FSIP2: variants seen among roughly 807,000 people sequenced by gnomAD.
FSIP2 encodes fibrous sheath interacting protein 2.
Under a neutral mutation model 510.5 loss-of-function variants are expected in FSIP2, and 367 were observed. The observed-to-expected ratio is 0.72, with a 90% CI of 0.66 to 0.78. FSIP2 has a LOEUF of 0.78. Ranked by LOEUF, FSIP2 falls within the 30% of genes least tolerant of loss-of-function variation. The pLI, the probability that FSIP2 is intolerant of heterozygous loss-of-function variation, is 0.00. For synonymous variants in FSIP2, 2,601 were observed against 2,732.2 expected, an observed-to-expected ratio of 0.95 and a Z score of 1.50; for missense variants, 7,594 against 7,901.7, an observed-to-expected ratio of 0.96 and a Z score of 1.48.
At chr2:185,758,694 C>G (rs1692293523) in intron 9 of FSIP2, among the ~76,000 whole-genome samples, 1 of 150,934 alleles carries the variant, frequency 6.6e-6, no homozygotes, top group Admixed American at 6.6e-5. Flanking sequence ...TTCCTTGCTA[C>G]CTGGGAAGAC....
At position 185,808,601 on chromosome 2, in the gene FSIP2, A is replaced by C. The variant is rs1239331901; in HGVS notation, c.19295A>C (p.Gln6432Pro). Residue 6432 changes from glutamine to proline, a missense_variant, in exon 17 of 23, where the codon CAA becomes CCA. Gln to Pro is a moderately conservative substitution (Grantham distance 76). Transcript: ENST00000424728. Reference protein sequence around the residue: ...VDSVYSNILQQSGTNKEFYYD... With the variant: ...VDSVYSNILQPSGTNKEFYYD... Reference sequence around the variant, plus strand: ...TCCGTTTATAGTAACATACTGCAACAATCAGGAACCAACAAAGAATTTTAT... The same window carrying C: ...TCCGTTTATAGTAACATACTGCAACCATCAGGAACCAACAAAGAATTTTAT... 6.2e-7 allele frequency: 1 copy of C among 1,605,542 alleles called. No homozygotes were observed. Among genetic ancestry groups the C allele is most frequent in the South Asian group, 1.1e-5 (1 of 89,352 alleles).
Position 185,790,935 on chromosome 2 carries a change from A to G in FSIP2, c.3799A>G (p.Ile1267Val), listed in dbSNP as rs894432404. Residue 1267 changes from isoleucine (I) to valine (V), a missense_variant, in exon 16 of 23, where the codon ATT becomes GTT. Transcript: ENST00000424728. ...DDINDKIIRT[I>V]FKRLKSFICP... is the part of the protein sequence containing the mutation. ...CATTAATGATAAGATCATTCGTACA[A>G]TTTTTAAAAGACTGAAGTCATTTAT... The G allele has an allele frequency of 6.6e-7, 1 of 1,524,346 alleles. No homozygotes were observed. The highest frequency in any genetic ancestry group is 1.2e-5 in the South Asian group (1 of 81,434). The allele number at this position is 1,524,346 out of a possible 1,614,324, so 94.4% of individuals were successfully genotyped here.
Position 185,761,977 on chromosome 2 carries a change from T to C in FSIP2, c.1200T>C (p.Asp400=). ...TTCAATGTGGTACCATGTAGAGAGA[T>C]GGGATGGTATCTAAAAACTCAAGTA... The part of the protein sequence containing the change: ...VQDNGINQKR[D]GMVSKNSSIF... Residue 400 remains aspartate, a synonymous_variant, in exon 11 of 23, where the codon GAT becomes GAC. Coordinates refer to ENST00000424728, the MANE Select transcript of FSIP2 (RefSeq NM_173651.4). 2 of 1,477,532 alleles carry C rather than the reference T, an allele frequency of 1.4e-6. No individual in the cohort carries two copies. Among genetic ancestry groups the C allele is most frequent in the East Asian group, 2.5e-5 (1 of 40,378 alleles). The allele number at this position is 1,477,532 out of a possible 1,614,324, so 91.5% of individuals were successfully genotyped here. A position where few individuals can be genotyped will look rare whatever the true frequency, so the allele number is the denominator to read the frequency against.
chr2:185,748,890 A>G (rs1024144875), intron 7 of FSIP2, among the ~76,000 whole-genome samples: 1 of 152,068 alleles, frequency 6.6e-6, no homozygotes, highest in African/African-American at 2.4e-5. Flanking sequence ...GTTTCATTAC[A>G]TTATTATGTC....
Position 185,806,568 on chromosome 2 carries a change from A to G in FSIP2, c.17262A>G (p.Lys5754=). 6.2e-7 allele frequency: 1 copy of G among 1,604,590 alleles called. No individual in the cohort carries two copies. Among genetic ancestry groups the G allele is most frequent in the Admixed American group, 1.7e-5 (1 of 57,832 alleles). ...AAAAAGAAGAGGAAGAGAGAGAAAA[A>G]GAGAAAGTAAGAGAGGAGATTAAAA... The part of the protein sequence containing the change: ...AKEKEEEERE[K]EKVREEIKSE... Residue 5754 remains lysine, a synonymous_variant, in exon 17 of 23, where the codon AAA becomes AAG. Coordinates refer to ENST00000424728, the MANE Select transcript of FSIP2 (RefSeq NM_173651.4).
At chr2:185,742,018 A>C (rs1196146557) in intron 2 of FSIP2, among the ~76,000 whole-genome samples, 1 of 152,120 alleles carries the variant, frequency 6.6e-6, no homozygotes, top group Non-Finnish European at 1.5e-5. Flanking sequence ...TGGTAGTATA[A>C]ATTGAATTTC....
intron 16 of FSIP2, among the ~76,000 whole-genome samples, chr2:185,798,557 T>A (rs1693353414): frequency 6.6e-6 from 1 of 151,800 alleles, no homozygotes; most frequent in Non-Finnish European, 1.5e-5. Context: ...ACTTGCTACA[T>A]CACCAGTCCA....
intron 13 of FSIP2, among the ~76,000 whole-genome samples, chr2:185,771,543 C>T (rs1444488785): frequency 1.3e-5 from 2 of 152,156 alleles, no homozygotes; most frequent in Non-Finnish European, 2.9e-5. Context: ...GCTGGAGTGG[C>T]CAGGATGTGA....
At chr2:185,782,952 T>A (rs924500234) in intron 14 of FSIP2, among the ~76,000 whole-genome samples, 190 bp downstream of exon 14, 2 of 152,178 alleles carry the variant, frequency 1.3e-5, no homozygotes, top group Admixed American at 1.3e-4. Context: ...TGTCCTTTCC[T>A]TTCTCCTTCT....
chr2:185,756,058 A>G (rs755190836), intron 8 of FSIP2, 134 bp from the exon 9 acceptor site: 111 of 361,292 alleles, frequency 3.1e-4, no homozygotes, highest in Admixed American at 4.6e-4. Flanking sequence ...ATCTTCTCCA[A>G]TTTTTCTCGC....
rs558507797 is a variant in FSIP2, at chr2:185,823,251, C to T, written c.20427-1183C>T. ...ATTAAAAATTTTGTGCTTCAAAGGACGCCATCAACAAAGTGAAAAGTCAAC... is the reference window on the plus strand; with the variant it reads ...ATTAAAAATTTTGTGCTTCAAAGGATGCCATCAACAAAGTGAAAAGTCAAC... On this transcript the variant is annotated intron_variant, in intron 19 of 22. Transcript: ENST00000424728. Among the ~76,000 whole-genome samples the T allele has an allele frequency of 9.2e-5, 14 of 151,594 alleles. No homozygotes were observed. The South Asian group carries it at 1.7e-3, about 18-fold the overall frequency.
intron 10 of FSIP2, 29 bp from the exon 11 acceptor site, chr2:185,761,943 T>C (rs770933436): frequency 1.0e-4 from 138 of 1,323,358 alleles, no homozygotes; most frequent in Non-Finnish European, 1.4e-4. Context: ...ACTAATGTAA[T>C]TTTTTCTCTT....
At chr2:185,762,836 A>G (rs1015705387) in intron 11 of FSIP2, among the ~76,000 whole-genome samples, 4 of 151,434 alleles carry the variant, frequency 2.6e-5, no homozygotes, top group Admixed American at 2.0e-4. Context: ...TTATTTCACT[A>G]TCCAGATGAT....
intron 13 of FSIP2, among the ~76,000 whole-genome samples, chr2:185,770,008 C>T (rs932866432): frequency 6.6e-6 from 1 of 152,090 alleles, no homozygotes; most frequent in Non-Finnish European, 1.5e-5. Context: ...TAGCTTGATG[C>T]CTCCTGCTTT....
intron 20 of FSIP2, among the ~76,000 whole-genome samples, chr2:185,825,016 G>A (rs59375645): frequency 0.045 from 6,873 of 151,728 alleles, 511 homozygotes; most frequent in African/African-American, 0.16. Flanking sequence ...AGGGAGGATC[G>A]ATGTGGTTCT....
At chr2:185,777,550 A>C (rs1336581237) in intron 13 of FSIP2, among the ~76,000 whole-genome samples, 1 of 152,086 alleles carries the variant, frequency 6.6e-6, no homozygotes, top group African/African-American at 2.4e-5. Context: ...CTTTTGGTAG[A>C]TAATAATGTC....
At position 185,826,221 on chromosome 2, in the gene FSIP2, AG is replaced by A. The variant is rs760897627; in HGVS notation, c.20473+1742del. ...CTCAGAATGTAACCTTGTTAAGCAA[AG>A]CATGGCTGTACTTCCCATCTCATTT... On this transcript the variant is annotated intron_variant, in intron 20 of 22. Coordinates refer to ENST00000424728, the MANE Select transcript of FSIP2 (RefSeq NM_173651.4). Among the ~76,000 whole-genome samples, 8 of 151,986 alleles carry A rather than the reference AG, an allele frequency of 5.3e-5. No homozygotes were observed. The South Asian group carries it at 1.0e-3, about 20-fold the overall frequency.
chr2:185,753,036 A>G (rs1282951919), intron 7 of FSIP2, among the ~76,000 whole-genome samples: 1 of 151,266 alleles, frequency 6.6e-6, no homozygotes, highest in East Asian at 1.9e-4. Flanking sequence ...GTTTCCTACT[A>G]CTGAGTTAAG....
chr2:185,785,862 G>A (rs933719128), intron 14 of FSIP2, among the ~76,000 whole-genome samples: 13 of 151,896 alleles, frequency 8.6e-5, no homozygotes, highest in African/African-American at 2.9e-4. Flanking sequence ...AGAAAGTCCT[G>A]GTCAGATGCC....
Sources: gnomAD v4.1 joint callset for allele counts (sites outside exome capture counted in the v4.1 genomes callset) on GRCh38, gnomAD v4.1.1 for gene constraint, MANE v1.5 for transcripts, NCBI Gene and HGNC (gene_info 2026-07-23, HGNC 2026-07-21) for gene names.